Variants in EMSY observed in about 807,000 individuals in gnomAD.
EMSY encodes the protein BRCA2-interacting transcriptional repressor EMSY.
A neutral mutation model predicts 134.6 loss-of-function variants in EMSY; 26 were observed. That is an observed-to-expected ratio of 0.19 (90% CI 0.14 to 0.27). The LOEUF (loss-of-function observed/expected upper bound fraction) is 0.27, where lower values mean the gene tolerates loss of function less well. EMSY is among the 10% of genes least tolerant of loss of function. The pLI, the probability that EMSY is intolerant of heterozygous loss-of-function variation, is 1.00. For missense variants in EMSY, 1,305 were observed against 1,611.4 expected (o/e 0.81, Z 3.26); for synonymous variants, 579 against 577.8 (o/e 1.00, Z -0.03).
intron 14 of EMSY, among the ~76,000 whole-genome samples, chr11:76,532,476 C>T (rs868075101): frequency 1.3e-5 from 2 of 151,792 alleles, no homozygotes; most frequent in East Asian, 1.9e-4. Flanking sequence ...AGGCCATCCT[C>T]GCCTAGGTCA....
At position 76,484,029 on chromosome 11, in the gene EMSY, C is replaced by T. The variant is rs149550030; in HGVS notation, c.1108+11189C>T. ...ACACTTCTCAGCAAATGCAAAAGAA[C>T]AGAAATCATAACAAACAGTCTCTCA... On this transcript the variant is annotated intron_variant, in intron 8 of 20. Transcript: ENST00000334736. Among the ~76,000 whole-genome samples the T allele has an allele frequency of 1.3e-3, 191 of 152,266 alleles. 1 individual carries two copies. The highest frequency in any genetic ancestry group is 4.3e-3 in the African/African-American group (179 of 41,536).
At chr11:76,542,435 C>T in intron 18 of EMSY, 68 bp downstream of exon 19, 1 of 1,539,080 alleles carries the variant, frequency 6.5e-7, no homozygotes, top group Non-Finnish European at 9.0e-7. Flanking sequence ...TCAGTGTCAT[C>T]TTGTATTTTA....
At chr11:76,487,251 G>A (rs1029857808) in intron 8 of EMSY, among the ~76,000 whole-genome samples, 5 of 152,222 alleles carry the variant, frequency 3.3e-5, no homozygotes, top group African/African-American at 1.2e-4. Flanking sequence ...CTGCACTGCA[G>A]CCTGGGCGAC....
At chr11:76,526,714 G>T in intron 13 of EMSY, 79 bp downstream of exon 14, 1 of 1,307,824 alleles carries the variant, frequency 7.6e-7, no homozygotes, top group Non-Finnish European at 1.1e-6. Context: ...AAATTTGAAG[G>T]AAAAGATCAG....
At chr11:76,514,633 T>G (rs1387399470) in intron 10 of EMSY, among the ~76,000 whole-genome samples, 1 of 152,190 alleles carries the variant, frequency 6.6e-6, no homozygotes, top group Non-Finnish European at 1.5e-5. Flanking sequence ...TTCAAATATA[T>G]AGTTCATTGG....
chr11:76,546,216 G>C, exon 20 of EMSY: 1 of 1,614,176 alleles, frequency 6.2e-7, no homozygotes, highest in Non-Finnish European at 8.5e-7. Context: ...CACCAGCAGT[G>C]CCTGCGACAG....
intron 2 of EMSY, among the ~76,000 whole-genome samples, chr11:76,449,281 A>G (rs966291342): frequency 6.6e-6 from 1 of 152,160 alleles, no homozygotes; most frequent in African/African-American, 2.4e-5. Context: ...TGGGAAGCTA[A>G]TAGGGTTCTT....
intron 20 of EMSY, among the ~76,000 whole-genome samples, chr11:76,548,161 A>G (rs1055658894): frequency 1.3e-5 from 2 of 152,216 alleles, no homozygotes; most frequent in Non-Finnish European, 2.9e-5. Flanking sequence ...CTCAATAAAG[A>G]TAGCTCCTAT....
At chr11:76,535,544 A>AT (rs1457104001) in intron 14 of EMSY, among the ~76,000 whole-genome samples, 1 of 152,156 alleles carries the variant, frequency 6.6e-6, no homozygotes, top group Non-Finnish European at 1.5e-5. Context: ...CAATTATCAC[A>AT]TTGAGTTGTG....
intron 11 of EMSY, among the ~76,000 whole-genome samples, chr11:76,518,416 C>T (rs1950524920): frequency 6.6e-6 from 1 of 151,434 alleles, no homozygotes; most frequent in African/African-American, 2.4e-5. Flanking sequence ...GATCTGCCCA[C>T]CTTGGCCACC....
exon 16 of EMSY, chr11:76,537,909 C>T (rs760014141): frequency 6.2e-7 from 1 of 1,613,730 alleles, no homozygotes; most frequent in Non-Finnish European, 8.5e-7. Flanking sequence ...CCATCAATTG[C>T]TGTGGTAGAG....
At chr11:76,479,418 C>T (rs1948885100) in intron 8 of EMSY, among the ~76,000 whole-genome samples, 2 of 152,204 alleles carry the variant, frequency 1.3e-5, no homozygotes, top group African/African-American at 4.8e-5. Flanking sequence ...CAAGCACTTC[C>T]ACAGAGGGTA....
chr11:76,500,126 C>T (rs566022661), intron 9 of EMSY, among the ~76,000 whole-genome samples: 2 of 150,896 alleles, frequency 1.3e-5, no homozygotes, highest in African/African-American at 2.4e-5. Flanking sequence ...ATACTTATGT[C>T]GCCTATCACA....
chr11:76,496,887 G>T, intron 9 of EMSY: 3 of 291,676 alleles, frequency 1.0e-5, no homozygotes, highest in South Asian at 3.2e-5. Context: ...ATTTCTTTTT[G>T]GTGTTTTATT....
chr11:76,502,278 G>T (rs1386675137), intron 9 of EMSY, among the ~76,000 whole-genome samples: 1 of 14,150 alleles, frequency 7.1e-5, no homozygotes, highest in Admixed American at 1.1e-3. Flanking sequence ...TCAAGTAAGA[G>T]AAAATGGGCA....
chr11:76,513,027 C>T (rs755444014), intron 9 of EMSY, among the ~76,000 whole-genome samples: 1 of 152,102 alleles, frequency 6.6e-6, no homozygotes, highest in Non-Finnish European at 1.5e-5. Flanking sequence ...TTGTTTCTGA[C>T]CTCTTATGCT....
chr11:76,458,157 G>C (rs1345960286), intron 4 of EMSY, 26 bp from the exon 6 acceptor site: 1 of 1,573,908 alleles, frequency 6.4e-7, no homozygotes, highest in Non-Finnish European at 8.6e-7. Context: ...GAAAACCCTT[G>C]TAGCAGCGCT....
chr11:76,518,698 TATA>T (rs1446370371), intron 11 of EMSY, among the ~76,000 whole-genome samples: 20 of 125,934 alleles, frequency 1.6e-4, no homozygotes, highest in African/African-American at 6.0e-4. Flanking sequence ...TATATATATA[TATA>T]TATTTTTTTT....
intron 9 of EMSY, chr11:76,496,782 A>G (rs1949675518): frequency 2.7e-6 from 1 of 368,196 alleles, no homozygotes; most frequent in Admixed American, 4.2e-5. Context: ...TTCTCAGAGT[A>G]TTTACATAGA....
Sources: gnomAD v4.1 joint callset for allele counts (sites outside exome capture counted in the v4.1 genomes callset) on GRCh38, gnomAD v4.1.1 for gene constraint, MANE v1.5 for transcripts, NCBI Gene and HGNC (gene_info 2026-07-23, HGNC 2026-07-21) for gene names.